The following SAR1B variants were observed in gnomAD, a reference collection of about 807,000 sequenced individuals.
The protein encoded by SAR1B is secretion associated Ras related GTPase 1B, also known as small COPII coat GTPase SAR1B.
In SAR1B, 23 loss-of-function variants were observed where a neutral mutation model predicts 26.8. That is an observed-to-expected ratio of 0.86 (90% CI 0.62 to 1.22). The LOEUF is 1.22. SAR1B is among the 50% of genes most tolerant of loss of function. The pLI is 0.00. For synonymous variants in SAR1B, 65 were observed against 80.8 expected (o/e 0.80, Z 1.05); for missense variants, 196 against 232.8 (o/e 0.84, Z 1.03).
intron 1 of SAR1B, among the ~76,000 whole-genome samples, chr5:134,627,516 C>T (rs1363622369): frequency 6.6e-6 from 1 of 151,126 alleles, no homozygotes; most frequent in Admixed American, 6.6e-5. Flanking sequence ...TTTTTAAAAC[C>T]GGCCGGGCGT....
intron 2 of SAR1B, among the ~76,000 whole-genome samples, chr5:134,622,275 T>A (rs1765422375): frequency 6.6e-6 from 1 of 152,170 alleles, no homozygotes; most frequent in Admixed American, 6.6e-5. Flanking sequence ...CATTAAGGAA[T>A]CTACTTCTAT....
chr5:134,616,299 T>C (rs766756437), intron 3 of SAR1B, among the ~76,000 whole-genome samples: 1 of 149,522 alleles, frequency 6.7e-6, no homozygotes, highest in Non-Finnish European at 1.5e-5. Flanking sequence ...TAGCCGGGAG[T>C]GGTGGTAGGC....
At chr5:134,613,126 C>T (rs2150051417) in intron 3 of SAR1B, 2 of 306,178 alleles carry the variant, frequency 6.5e-6, no homozygotes, top group South Asian at 6.0e-5. Flanking sequence ...TCTCCTCTGC[C>T]TTTGCCTCTT....
intron 3 of SAR1B, 103 bp downstream of exon 3, chr5:134,620,830 G>C: frequency 1.5e-6 from 2 of 1,338,846 alleles, no homozygotes; most frequent in Non-Finnish European, 2.1e-6. Flanking sequence ...TTGCAGCCTG[G>C]GCAACAGAGA....
chr5:134,626,673 T>A (rs1193763860), intron 1 of SAR1B, among the ~76,000 whole-genome samples: 1 of 152,182 alleles, frequency 6.6e-6, no homozygotes, highest in African/African-American at 2.4e-5. Context: ...GAATCTCAGA[T>A]TACAAGTAAC....
At chr5:134,615,811 C>T (rs1048646645) in intron 3 of SAR1B, among the ~76,000 whole-genome samples, 26 of 151,302 alleles carry the variant, frequency 1.7e-4, no homozygotes, top group African/African-American at 6.1e-4. Context: ...AGCAAGACTC[C>T]GTCTCAAAAA....
rs898987792 is a variant in SAR1B at position 134,608,444 on chromosome 5, G to A, written c.408C>T (p.Ile136=). 2 of 1,609,684 alleles carry A rather than the reference G, an allele frequency of 1.2e-6. No homozygotes were observed. The highest frequency in any genetic ancestry group is 1.1e-5 in the South Asian group (1 of 90,728). The change falls in exon 6 of 7, where the codon ATC becomes ATT. Residue 136 remains isoleucine (I), a synonymous_variant. Transcript: ENST00000402673. ...CTTCACTGATGGCTTCAGGTCTGTC[G>A]ATCTTATTCCCAAGAATCAGTATAG... ...NVPILILGNK[I]DRPEAISEER... is the part of the protein sequence containing the mutation.
chr5:134,607,078 G>A lies in SAR1B; in HGVS notation c.481-12C>T, dbSNP rs768753141. On this transcript the variant is annotated splice_polypyrimidine_tract_variant and intron_variant, in intron 6 of 6. Coordinates refer to ENST00000402673, the MANE Select transcript of SAR1B (RefSeq NM_016103.4). ...AGAGATATACTCCCCTAGAATAGAA[G>A]AGAGACATTTCGTTGGAATTTTATA... 7 of 1,512,406 alleles carry A rather than the reference G, an allele frequency of 4.6e-6. No individual in the cohort carries two copies. Among genetic ancestry groups the A allele is most frequent in the Non-Finnish European group, 6.4e-6 (7 of 1,087,098 alleles). 93.7% of individuals were successfully genotyped at this position (1,512,406 alleles called of 1,614,324 possible). A position where few individuals can be genotyped will look rare whatever the true frequency, so the allele number is the denominator to read the frequency against.
intron 6 of SAR1B, among the ~76,000 whole-genome samples, chr5:134,608,131 T>C (rs1270174400): frequency 6.6e-6 from 1 of 152,222 alleles, no homozygotes; most frequent in Admixed American, 6.6e-5. Context: ...AAAGCTTTAA[T>C]TTAGTTTCCT....
intron 3 of SAR1B, 116 bp from the exon 4 acceptor site, chr5:134,612,872 A>G: frequency 3.2e-6 from 3 of 937,528 alleles, no homozygotes; most frequent in Non-Finnish European, 4.9e-6. Flanking sequence ...AAGAATAAAT[A>G]GTAACTTCTC....
At position 134,605,508 on chromosome 5, in the gene SAR1B, T is replaced by C. The variant is rs1319200862; in HGVS notation, c.*1442A>G. The stretch of plus-strand genomic sequence containing the variant: ...CCTATCACATGGCAAGCATAATATC[T>C]AAAAACAAAAGTCAGGTCAGGCATG... On this transcript the variant is annotated 3_prime_UTR_variant, in exon 7 of 7. Transcript: ENST00000402673. The C allele has an allele frequency of 2.0e-5, 3 of 151,634 alleles. No individual in the cohort carries two copies. Among genetic ancestry groups the C allele is most frequent in the Non-Finnish European group, 4.4e-5 (3 of 67,912 alleles). The allele number at this position is 151,634 out of a possible 1,614,324, so 9.4% of individuals were successfully genotyped here. A position where few individuals can be genotyped will look rare whatever the true frequency, so the allele number is the denominator to read the frequency against.
At chr5:134,624,652 G>C (rs926323810) in intron 1 of SAR1B, among the ~76,000 whole-genome samples, 2 of 134,950 alleles carry the variant, frequency 1.5e-5, no homozygotes, top group African/African-American at 5.5e-5. Flanking sequence ...TTTTGAGACA[G>C]AGTCTTGCTC....
intron 3 of SAR1B, among the ~76,000 whole-genome samples, chr5:134,616,833 G>GT (rs1765324000): frequency 6.6e-6 from 1 of 152,232 alleles, no homozygotes; most frequent in Non-Finnish European, 1.5e-5. Context: ...ATGACTGAAT[G>GT]TATCAGTGGT....
intron 3 of SAR1B, 180 bp from the exon 4 acceptor site, chr5:134,612,936 G>A: frequency 1.7e-6 from 1 of 597,080 alleles, no homozygotes; most frequent in Non-Finnish European, 3.0e-6. Context: ...ATATCTGCCA[G>A]CCGTAATAAA....
At chr5:134,621,187 T>C (rs961133663) in intron 2 of SAR1B, 135 bp from the exon 3 acceptor site, 1 of 1,010,216 alleles carries the variant, frequency 9.9e-7, no homozygotes, top group Non-Finnish European at 1.5e-6. Context: ...AATCTATTCA[T>C]GGCCGGGCAC....
intron 2 of SAR1B, among the ~76,000 whole-genome samples, chr5:134,622,190 G>C (rs1046393166): frequency 6.6e-6 from 1 of 152,060 alleles, no homozygotes; most frequent in African/African-American, 2.4e-5. Flanking sequence ...CTTTGTCCAT[G>C]CTTAAGTCTA....
At position 134,605,659 on chromosome 5, in the gene SAR1B, C is replaced by CAAAAAAAAAAAAAAAAAAAAAAAAAAAAA. The variant is rs1026047463; in HGVS notation, c.*1290_*1291insTTTTTTTTTTTTTTTTTTTTTTTTTTTTT. 2.9e-5 allele frequency: 1 copy of CAAAAAAAAAAAAAAAAAAAAAAAAAAAAA among 35,020 alleles called. No individual in the cohort carries two copies. Among genetic ancestry groups the CAAAAAAAAAAAAAAAAAAAAAAAAAAAAA allele is most frequent in the Non-Finnish European group, 5.9e-5 (1 of 16,906 alleles). 2.2% of individuals were successfully genotyped at this position (35,020 alleles called of 1,614,324 possible). On this transcript the variant is annotated 3_prime_UTR_variant, in exon 7 of 7. Coordinates refer to ENST00000402673, the MANE Select transcript of SAR1B (RefSeq NM_016103.4). ...GTCTCTAAAACAAAATGAAACAGAGCAAAAAAAAAAAAAAAAAAAAAGCCC... is the reference window on the plus strand; with the variant it reads ...GTCTCTAAAACAAAATGAAACAGAGCAAAAAAAAAAAAAAAAAAAAAAAAAAAAAAAAAAAAAAAAAAAAAAAAAAGCCC...
intron 1 of SAR1B, among the ~76,000 whole-genome samples, chr5:134,627,357 T>C (rs1214493442): frequency 6.6e-6 from 1 of 151,092 alleles, no homozygotes; most frequent in Non-Finnish European, 1.5e-5. Context: ...CGCCACTTTT[T>C]ATTTTTTTGA....
Position 134,624,731 on chromosome 5 carries a change from G to A in SAR1B, c.-18-694C>T, listed in dbSNP as rs559122788. ...AAAGCTTCTCCTCCCAGGTTCAAGC[G>A]ATCCTTCTGCCTCAGCCTCTCGAGT... On this transcript the variant is annotated intron_variant, in intron 1 of 6. Transcript: ENST00000402673. 3.6e-4 allele frequency among the ~76,000 whole-genome samples: 54 copies of A among 149,914 alleles called. 1 individual carries two copies. The East Asian group carries it at 0.01, about 28-fold the overall frequency.
Sources: gnomAD v4.1 joint callset for allele counts (sites outside exome capture counted in the v4.1 genomes callset) on GRCh38, gnomAD v4.1.1 for gene constraint, MANE v1.5 for transcripts, NCBI Gene and HGNC (gene_info 2026-07-23, HGNC 2026-07-21) for gene names.